The following RALYL variants were observed in gnomAD, a reference collection of about 807,000 sequenced individuals.
RALYL encodes RALY RNA binding protein like.
A neutral mutation model predicts 35.1 loss-of-function variants in RALYL; 29 were observed. The ratio of observed to expected loss-of-function variants is 0.83; its 90% confidence interval spans 0.61 to 1.13. The LOEUF is 1.13. RALYL is among the 50% of genes most tolerant of loss of function. The probability of loss-of-function intolerance (pLI) is 0.00; values close to 1 mark genes in which losing one functional copy is unlikely to be tolerated. For synonymous variants in RALYL, 120 were observed against 127.6 expected, an observed-to-expected ratio of 0.94 and a Z score of 0.40; for missense variants, 359 against 360.4, an observed-to-expected ratio of 1.00 and a Z score of 0.03.
chr8:84,720,287 A>C (rs1234038127), intron 2 of RALYL, among the ~76,000 whole-genome samples: 1 of 152,186 alleles, frequency 6.6e-6, no homozygotes, highest in African/African-American at 2.4e-5. Context: ...TCCAAACAGC[A>C]TGGTACTGTC....
chr8:84,763,051 A>C (rs1048748388), intron 2 of RALYL, among the ~76,000 whole-genome samples: 10 of 152,164 alleles, frequency 6.6e-5, no homozygotes, highest in Non-Finnish European at 1.2e-4. Context: ...TTCTCTCCAC[A>C]TGAAACACAT....
intron 4 of RALYL, among the ~76,000 whole-genome samples, chr8:84,848,439 A>G (rs565907123): frequency 1.5e-4 from 22 of 150,026 alleles, no homozygotes; most frequent in African/African-American, 3.9e-4. Context: ...GTGTGTGTGT[A>G]TATATATATA....
intron 1 of RALYL, among the ~76,000 whole-genome samples, chr8:84,333,354 C>T (rs900796513): frequency 6.6e-6 from 1 of 152,104 alleles, no homozygotes; most frequent in Admixed American, 6.6e-5. Flanking sequence ...AAATAAAACA[C>T]ACTGTGTTAG....
rs919051460 is a variant in RALYL at position 84,701,689 on chromosome 8, AC to A, written c.257-72886del. The stretch of plus-strand genomic sequence containing the variant: ...GTGACTCCAGTAAGACAGGGTACTC[AC>A]CCCTGCTGCAGAGCTGAGAAGGCCT... On this transcript the variant is annotated intron_variant, in intron 2 of 8. Coordinates refer to ENST00000521268, the MANE Select transcript of RALYL (RefSeq NM_173848.7). Among the ~76,000 whole-genome samples the A allele has an allele frequency of 2.6e-4, 39 of 151,906 alleles. 2 individuals carry two copies. The highest frequency in any genetic ancestry group is 8.8e-5 in the Non-Finnish European group (6 of 67,962).
chr8:84,579,850 A>T (rs1810422573), intron 2 of RALYL, among the ~76,000 whole-genome samples: 1 of 152,228 alleles, frequency 6.6e-6, no homozygotes, highest in African/African-American at 2.4e-5. Flanking sequence ...TAGATAAACA[A>T]TATGAATCAC....
intron 3 of RALYL, among the ~76,000 whole-genome samples, chr8:84,799,886 G>T (rs888376054): frequency 6.6e-6 from 1 of 152,172 alleles, no homozygotes; most frequent in African/African-American, 2.4e-5. Flanking sequence ...AACCCGGAAG[G>T]TGGAGTTTGC....
intron 3 of RALYL, among the ~76,000 whole-genome samples, chr8:84,791,064 A>C (rs1820659688): frequency 1.3e-5 from 2 of 152,244 alleles, no homozygotes; most frequent in East Asian, 3.8e-4. Flanking sequence ...AGGTAACTAA[A>C]GACAAACAAA....
chr8:84,184,821 C>T, intron 1 of RALYL: 1 of 666,202 alleles, frequency 1.5e-6, no homozygotes, highest in Non-Finnish European at 2.6e-6. Flanking sequence ...TGGCGCTGGC[C>T]GTCGGGCGGG....
chr8:84,547,595 G>A (rs2060449834), intron 2 of RALYL, among the ~76,000 whole-genome samples: 1 of 151,990 alleles, frequency 6.6e-6, no homozygotes, highest in Non-Finnish European at 1.5e-5. Context: ...TGGCCAGGAT[G>A]GTCTCGAACT....
At chr8:84,392,921 T>A (rs978289579) in intron 1 of RALYL, among the ~76,000 whole-genome samples, 4 of 152,226 alleles carry the variant, frequency 2.6e-5, no homozygotes, top group Admixed American at 6.6e-5. Flanking sequence ...CAAATGTTAT[T>A]CATTCACTGT....
At chr8:84,646,222 C>A (rs142548564) in intron 2 of RALYL, among the ~76,000 whole-genome samples, 6 of 150,740 alleles carry the variant, frequency 4.0e-5, no homozygotes, top group African/African-American at 7.3e-5. Context: ...GGTTGTTTTT[C>A]TCTTTATTCA....
Position 84,850,003 on chromosome 8 carries a change from A to T in RALYL, c.389A>T (p.Tyr130Phe). The T allele has an allele frequency of 6.7e-7, 1 of 1,489,724 alleles. No homozygotes were observed. The highest frequency in any genetic ancestry group is 9.0e-7 in the Non-Finnish European group (1 of 1,116,534). 92.3% of individuals were successfully genotyped at this position (1,489,724 alleles called of 1,614,324 possible). A position where few individuals can be genotyped will look rare whatever the true frequency, so the allele number is the denominator to read the frequency against. The stretch of plus-strand genomic sequence containing the variant: ...AGCGGTTATGTCTTTGACTATGATT[A>T]CTACAGAGATGATTTCTACAATCGG... ...SVGGYVFDYD[Y>F]YRDDFYNRLF... Residue 130 changes from tyrosine (Y) to phenylalanine (F), a missense_variant, in exon 5 of 9, where the codon TAC (tyrosine) becomes TTC (phenylalanine). Transcript: ENST00000521268.
chr8:84,638,869 TAA>T (rs550997071), intron 2 of RALYL, among the ~76,000 whole-genome samples: 1,759 of 75,708 alleles, frequency 0.023, 156 homozygotes, highest in African/African-American at 0.045. Flanking sequence ...AATGCACGCA[TAA>T]ATATATATAT....
chr8:84,920,277 T>A (rs1991352), intron 8 of RALYL, among the ~76,000 whole-genome samples: 1 of 151,894 alleles, frequency 6.6e-6, no homozygotes, highest in East Asian at 1.9e-4. Context: ...TCCCCACTGA[T>A]TGAGTCTTGC....
At chr8:84,198,756 T>C (rs1296787668) in intron 1 of RALYL, among the ~76,000 whole-genome samples, 1 of 152,150 alleles carries the variant, frequency 6.6e-6, no homozygotes, top group African/African-American at 2.4e-5. Flanking sequence ...CATTGATCTT[T>C]CTGTGCCTAT....
intron 1 of RALYL, among the ~76,000 whole-genome samples, chr8:84,449,013 A>C (rs2049147299): frequency 6.6e-6 from 1 of 151,472 alleles, no homozygotes; most frequent in Non-Finnish European, 1.5e-5. Flanking sequence ...GTCCAATCCC[A>C]TTCAGATAAT....
intron 8 of RALYL, among the ~76,000 whole-genome samples, chr8:84,915,149 G>A (rs909664697): frequency 2.6e-5 from 4 of 151,962 alleles, no homozygotes; most frequent in African/African-American, 4.8e-5. Flanking sequence ...ATAAGAATAA[G>A]TGTCATTATG....
chr8:84,255,565 A>G (rs1396882601), intron 1 of RALYL, among the ~76,000 whole-genome samples: 1 of 152,256 alleles, frequency 6.6e-6, no homozygotes, highest in East Asian at 1.9e-4. Flanking sequence ...GGTCAGGACC[A>G]GTGGGTGCAG....
Position 84,888,069 on chromosome 8 carries a change from C to G in RALYL, c.858+293C>G, listed in dbSNP as rs180922461. On this transcript the variant is annotated intron_variant, in intron 8 of 8. Coordinates refer to ENST00000521268, the MANE Select transcript of RALYL (RefSeq NM_173848.7). ...CCAAAATGCTCCATTGCAAAAGGAA[C>G]CTTGCATTTATGCAATTACAAGTGA... 1.0e-3 allele frequency among the ~76,000 whole-genome samples: 156 copies of G among 152,320 alleles called. 1 individual carries two copies. The highest frequency in any genetic ancestry group is 3.2e-3 in the African/African-American group (134 of 41,562).
Sources: allele counts gnomAD v4.1 joint callset (sites outside exome capture counted in the v4.1 genomes callset), GRCh38; gene constraint gnomAD v4.1.1; transcripts MANE v1.5; gene names NCBI Gene and HGNC (gene_info 2026-07-23, HGNC 2026-07-21).